Variants in AUTS2 observed in about 807,000 individuals in gnomAD.
AUTS2 encodes the protein activator of transcription and developmental regulator AUTS2, also known as autism susceptibility gene 2 protein.
A neutral mutation model predicts 112.4 loss-of-function variants in AUTS2; 17 were observed. That is an observed-to-expected ratio of 0.15 (90% CI 0.10 to 0.23). The LOEUF is 0.23. Among genes scored for constraint, AUTS2 ranks in the 10% least tolerant of loss-of-function variants. AUTS2 has a pLI of 1.00. For missense variants in AUTS2, 1,510 were observed against 1,701.6 expected, an observed-to-expected ratio of 0.89 and a Z score of 1.98; for synonymous variants, 751 against 702.7, an observed-to-expected ratio of 1.07 and a Z score of -1.09.
At chr7:70,368,829 C>G (rs1792706150) in intron 4 of AUTS2, among the ~76,000 whole-genome samples, 1 of 151,912 alleles carries the variant, frequency 6.6e-6, no homozygotes, top group African/African-American at 2.4e-5. Flanking sequence ...TCTCTTTTTC[C>G]CAATGAAGGA....
At chr7:70,197,228 G>C (rs1171660101) in intron 4 of AUTS2, among the ~76,000 whole-genome samples, 1 of 151,846 alleles carries the variant, frequency 6.6e-6, no homozygotes, top group Admixed American at 6.6e-5. Flanking sequence ...TAAAATGAGG[G>C]AACTAGACTA....
chr7:70,221,383 CA>C (rs1385464671), intron 4 of AUTS2, among the ~76,000 whole-genome samples: 5 of 152,098 alleles, frequency 3.3e-5, no homozygotes, highest in Non-Finnish European at 7.3e-5. Flanking sequence ...AATTTATATA[CA>C]ATTAATCGTA....
At chr7:70,559,809 C>T (rs915371160) in intron 5 of AUTS2, among the ~76,000 whole-genome samples, 1 of 152,140 alleles carries the variant, frequency 6.6e-6, no homozygotes, top group Non-Finnish European at 1.5e-5. Flanking sequence ...TCCACCTCTG[C>T]CCCCCATTCC....
At chr7:70,644,858 G>T (rs970961663) in intron 5 of AUTS2, among the ~76,000 whole-genome samples, 1 of 152,116 alleles carries the variant, frequency 6.6e-6, no homozygotes, top group Non-Finnish European at 1.5e-5. Flanking sequence ...CAGCAAATGC[G>T]TAGTAGACCT....
chr7:70,555,505 C>CCTTGGACCTGGGACCCTCATATT (rs1410911910), intron 5 of AUTS2, among the ~76,000 whole-genome samples: 2 of 152,112 alleles, frequency 1.3e-5, no homozygotes, highest in African/African-American at 2.4e-5. Context: ...AGAGTTACCT[C>CCTTGGACCTGGGACCCTCATATT]CTTGGACCTG....
At chr7:70,077,692 C>T (rs1219742653) in intron 2 of AUTS2, among the ~76,000 whole-genome samples, 1 of 152,158 alleles carries the variant, frequency 6.6e-6, no homozygotes, top group African/African-American at 2.4e-5. Context: ...GGCTCTCTGC[C>T]TTTGTTTCTG....
intron 2 of AUTS2, among the ~76,000 whole-genome samples, chr7:70,058,977 T>A (rs1263379336): frequency 6.6e-6 from 1 of 152,186 alleles, no homozygotes; most frequent in East Asian, 1.9e-4. Context: ...ACTGCACCAG[T>A]ATGGTACAGT....
intron 5 of AUTS2, among the ~76,000 whole-genome samples, chr7:70,476,434 AAGACC>A (rs1032172734): frequency 6.6e-6 from 1 of 152,232 alleles, no homozygotes; most frequent in African/African-American, 2.4e-5. Flanking sequence ...GCTATTAAAC[AAGACC>A]AGAGACAGAG....
intron 5 of AUTS2, among the ~76,000 whole-genome samples, chr7:70,630,663 A>C (rs1014562739): frequency 2.6e-5 from 4 of 152,182 alleles, no homozygotes; most frequent in African/African-American, 2.4e-5. Flanking sequence ...GAATATATCC[A>C]AGGGTGGGGA....
intron 2 of AUTS2, among the ~76,000 whole-genome samples, chr7:69,948,783 TTTA>T (rs1164179295): frequency 8.3e-6 from 1 of 120,190 alleles, no homozygotes; most frequent in African/African-American, 3.8e-5. Context: ...CATTTATTTA[TTTA>T]TTTATTTATT....
chr7:70,074,845 G>A (rs770974512), intron 2 of AUTS2, among the ~76,000 whole-genome samples: 26 of 152,176 alleles, frequency 1.7e-4, no homozygotes, highest in Admixed American at 2.6e-4. Context: ...ATACTATCCT[G>A]TATGTTTTGG....
intron 1 of AUTS2, among the ~76,000 whole-genome samples, chr7:69,791,234 A>G (rs1002249946): frequency 6.6e-6 from 1 of 152,216 alleles, no homozygotes; most frequent in Admixed American, 6.5e-5. Flanking sequence ...CTGGAGCAAG[A>G]TGCCTTTGTG....
chr7:69,663,244 T>A (rs147936681), intron 1 of AUTS2: 26 of 152,338 alleles, frequency 1.7e-4, no homozygotes, highest in African/African-American at 6.0e-4. Flanking sequence ...GTGCCTTGGC[T>A]GATATATTGG....
intron 4 of AUTS2, among the ~76,000 whole-genome samples, chr7:70,135,128 A>T (rs1490170181): frequency 1.3e-4 from 20 of 152,104 alleles, no homozygotes; most frequent in Admixed American, 1.3e-3. Context: ...TCTGAACCTT[A>T]TTCTCTGTCC....
At chr7:70,682,350 C>G (rs1476453699) in intron 5 of AUTS2, among the ~76,000 whole-genome samples, 1 of 152,178 alleles carries the variant, frequency 6.6e-6, no homozygotes, top group Non-Finnish European at 1.5e-5. Flanking sequence ...ACATTCCCAG[C>G]CTCCAAAAGG....
intron 2 of AUTS2, among the ~76,000 whole-genome samples, chr7:69,913,634 A>T (rs1232611270): frequency 2.6e-5 from 4 of 152,132 alleles, no homozygotes; most frequent in Admixed American, 6.5e-5. Flanking sequence ...GTTTCCATTC[A>T]TGTCTCTTTC....
chr7:70,165,943 AC>A (rs1320126957), intron 4 of AUTS2, among the ~76,000 whole-genome samples: 9 of 151,796 alleles, frequency 5.9e-5, no homozygotes, highest in Non-Finnish European at 1.5e-5. Flanking sequence ...GCAGTTCCCC[AC>A]TGCTGTTCTC....
At chr7:70,308,389 T>C (rs1483344700) in intron 4 of AUTS2, among the ~76,000 whole-genome samples, 1 of 152,218 alleles carries the variant, frequency 6.6e-6, no homozygotes, top group Non-Finnish European at 1.5e-5. Flanking sequence ...TAGTAAAGTA[T>C]AGACTAGTTT....
chr7:69,928,793 T>C (rs1298647638), intron 2 of AUTS2, among the ~76,000 whole-genome samples: 2 of 151,740 alleles, frequency 1.3e-5, no homozygotes, highest in Admixed American at 6.6e-5. Context: ...CACCTGGGAG[T>C]GTGGGTTCCT....
Sources: allele counts gnomAD v4.1 joint callset (sites outside exome capture counted in the v4.1 genomes callset), GRCh38; gene constraint gnomAD v4.1.1; transcripts MANE v1.5; gene names NCBI Gene and HGNC (gene_info 2026-07-23, HGNC 2026-07-21).